RBFOX3: variants seen among roughly 807,000 people sequenced by gnomAD.
RBFOX3 encodes the protein RNA binding fox-1 homolog 3.
Under a neutral mutation model 48.7 loss-of-function variants are expected in RBFOX3, and 17 were observed. That is an observed-to-expected ratio of 0.35 (90% confidence interval 0.24 to 0.52). The LOEUF (loss-of-function observed/expected upper bound fraction) is 0.52. Ranked by LOEUF, RBFOX3 falls within the 20% of genes least tolerant of loss-of-function variation. The pLI, the probability that RBFOX3 is intolerant of heterozygous loss-of-function variation, is 0.94. For missense variants in RBFOX3, 382 were observed against 497.5 expected (o/e 0.77, Z 2.21); for synonymous variants, 212 against 209.5 (o/e 1.01, Z -0.10).
chr17:79,404,526 T>TGAGAAGCC (rs955570944), intron 2 of RBFOX3, among the ~76,000 whole-genome samples: 1 of 152,200 alleles, frequency 6.6e-6, no homozygotes, highest in Non-Finnish European at 1.5e-5. Context: ...GGCCAGCCTG[T>TGAGAAGCC]GAGAAGCCAA....
chr17:79,368,672 C>T (rs1037177054), intron 2 of RBFOX3, among the ~76,000 whole-genome samples: 2 of 152,160 alleles, frequency 1.3e-5, no homozygotes, highest in African/African-American at 4.8e-5. Flanking sequence ...GCAACCAACC[C>T]AGAGGTCCTC....
At chr17:79,150,972 T>C (rs115138013) in intron 4 of RBFOX3, among the ~76,000 whole-genome samples, 2,804 of 152,270 alleles carry the variant, frequency 0.018, 81 homozygotes, top group African/African-American at 0.063. Flanking sequence ...GGCTGGGCAG[T>C]GCTGGTGGCC....
chr17:79,416,584 C>T (rs1367615655), intron 2 of RBFOX3, among the ~76,000 whole-genome samples: 1 of 152,200 alleles, frequency 6.6e-6, no homozygotes, highest in African/African-American at 2.4e-5. Context: ...CCCACGGGGG[C>T]CAGCAGGTGA....
chr17:79,510,417 C>T (rs1291892265), intron 1 of RBFOX3, among the ~76,000 whole-genome samples: 1 of 152,220 alleles, frequency 6.6e-6, no homozygotes, highest in Non-Finnish European at 1.5e-5. Context: ...CACCCAGCCA[C>T]CCTACCCTCA....
the RBFOX3 span, among the ~76,000 whole-genome samples, chr17:79,634,270 C>T: frequency 9.5e-4 from 145 of 152,344 alleles, no homozygotes; most frequent in Non-Finnish European, 1.7e-3. Context: ...CCCACCTCAC[C>T]GCCAGAGCCA....
Position 79,198,009 on chromosome 17 carries a change from A to T in RBFOX3, c.-34+37757T>A, listed in dbSNP as rs1252317019. Among the ~76,000 whole-genome samples the T allele has an allele frequency of 2.0e-5, 3 of 152,154 alleles. No homozygotes were observed. Among genetic ancestry groups the T allele is most frequent in the Non-Finnish European group, 4.4e-5 (3 of 68,038 alleles). The stretch of plus-strand genomic sequence containing the variant: ...TGCGGCGCGTGCTTCTGATTTCCTA[A>T]GCATGCCGAGTGAATCCATCCCGAG... On this transcript the variant is annotated intron_variant, in intron 4 of 14. Coordinates refer to ENST00000693108, the MANE Select transcript of RBFOX3 (RefSeq NM_001350451.2). This position sits in a 1 kb window ranked among gnomAD's most constrained non-coding sequence, Gnocchi z 8.2.
At chr17:79,104,188 GC>G in intron 6 of RBFOX3, 62 bp from the exon 7 acceptor site, 1 of 1,347,788 alleles carries the variant, frequency 7.4e-7, no homozygotes, top group Non-Finnish European at 1.0e-6. Context: ...AAGACTGCTG[GC>G]CCAGCTGCCC....
intron 2 of RBFOX3, among the ~76,000 whole-genome samples, chr17:79,387,538 G>T (rs1480687459): frequency 6.6e-6 from 1 of 152,242 alleles, no homozygotes. Flanking sequence ...GGCTGGTACC[G>T]CCCGCATGGG....
At position 79,587,556 on chromosome 17, in the gene RBFOX3, G is replaced by A. The variant is rs935463624; in HGVS notation, c.-320+23270C>T. On this transcript the variant is annotated intron_variant, in intron 1 of 14. Coordinates refer to ENST00000693108, the MANE Select transcript of RBFOX3 (RefSeq NM_001350451.2). ...AGAATAAACAGGGAACACCGGCATC[G>A]TCTACAAACCCAGTGGAGCCACTCA... Among the ~76,000 whole-genome samples the A allele has an allele frequency of 1.3e-3, 198 of 152,310 alleles. 3 individuals carry two copies. The East Asian group carries it at 0.032, about 25-fold the overall frequency.
intron 3 of RBFOX3, among the ~76,000 whole-genome samples, chr17:79,300,040 G>C (rs947501489): frequency 1.1e-4 from 16 of 152,224 alleles, no homozygotes; most frequent in African/African-American, 3.6e-4. Context: ...GAGTGGCTGG[G>C]CTTACAGGCA....
At chr17:79,125,708 G>C (rs1055534306) in intron 4 of RBFOX3, among the ~76,000 whole-genome samples, 1 of 152,244 alleles carries the variant, frequency 6.6e-6, no homozygotes, top group Non-Finnish European at 1.5e-5. Context: ...GCCTTCAGAC[G>C]GCTCCCGCCT....
intron 4 of RBFOX3, among the ~76,000 whole-genome samples, chr17:79,123,402 C>G (rs935068867): frequency 3.3e-5 from 5 of 152,148 alleles, no homozygotes; most frequent in African/African-American, 1.2e-4. Context: ...TCCCCACCCC[C>G]TCTACCCCCA....
At chr17:79,321,146 G>T (rs941352688) in intron 2 of RBFOX3, among the ~76,000 whole-genome samples, 2 of 152,188 alleles carry the variant, frequency 1.3e-5, no homozygotes, top group African/African-American at 4.8e-5. Context: ...CTAAAGCACA[G>T]GTCAGATGAG....
intron 2 of RBFOX3, among the ~76,000 whole-genome samples, chr17:79,414,134 C>T (rs1157981577): frequency 6.6e-6 from 1 of 152,040 alleles, no homozygotes; most frequent in East Asian, 1.9e-4. Context: ...CAGGCAGGTT[C>T]TCAAGGGCCC....
At chr17:79,138,808 CAT>C (rs1224336480) in intron 4 of RBFOX3, among the ~76,000 whole-genome samples, 3 of 127,944 alleles carry the variant, frequency 2.3e-5, no homozygotes, top group African/African-American at 8.8e-5. Flanking sequence ...TACCCACACA[CAT>C]GCGTTCACAC....
chr17:79,264,564 T>C (rs2066356120), intron 3 of RBFOX3, among the ~76,000 whole-genome samples: 1 of 152,158 alleles, frequency 6.6e-6, no homozygotes, highest in Non-Finnish European at 1.5e-5. Context: ...CCATTTCTGT[T>C]GTCTCATGTC....
chr17:79,114,442 G>A (rs2033199383), intron 5 of RBFOX3, among the ~76,000 whole-genome samples: 3 of 152,338 alleles, frequency 2.0e-5, no homozygotes. Flanking sequence ...TGAGGGTCGG[G>A]TCCAGCCCAG....
intron 3 of RBFOX3, among the ~76,000 whole-genome samples, chr17:79,291,427 C>T (rs997495717): frequency 6.6e-6 from 1 of 152,162 alleles, no homozygotes; most frequent in African/African-American, 2.4e-5. Context: ...ATGGAGCTGA[C>T]ATTAAATACA....
chr17:79,095,380 C>G, intron 13 of RBFOX3, 133 bp downstream of exon 13: 1 of 733,340 alleles, frequency 1.4e-6, no homozygotes. Flanking sequence ...ACCTGCTCCC[C>G]TGTCCCGACC....
Sources: gnomAD v4.1 joint callset for allele counts (sites outside exome capture counted in the v4.1 genomes callset) on GRCh38, gnomAD v4.1.1 for gene constraint, Gnocchi (gnomAD v3.1) non-coding constraint, MANE v1.5 for transcripts, NCBI Gene and HGNC (gene_info 2026-07-23, HGNC 2026-07-21) for gene names.